CADM2: variants seen among roughly 807,000 people sequenced by gnomAD.
CADM2 encodes cell adhesion molecule 2.
Under a neutral mutation model 49.8 loss-of-function variants are expected in CADM2, and 12 were observed. That is an observed-to-expected ratio of 0.24 (90% CI 0.15 to 0.39). CADM2 has a LOEUF of 0.39. Among genes scored for constraint, CADM2 ranks in the 10% least tolerant of loss-of-function variants. The probability of loss-of-function intolerance (pLI) is 1.00; values close to 1 mark genes in which losing one functional copy is unlikely to be tolerated. For synonymous variants in CADM2, 214 were observed against 175.4 expected, an observed-to-expected ratio of 1.22 and a Z score of -1.74; for missense variants, 378 against 492.3, an observed-to-expected ratio of 0.77 and a Z score of 2.20.
At chr3:85,678,995 G>A (rs1045942426) in intron 1 of CADM2, among the ~76,000 whole-genome samples, 4 of 152,102 alleles carry the variant, frequency 2.6e-5, no homozygotes, top group African/African-American at 7.2e-5. Flanking sequence ...GGCTGAGGTT[G>A]AGAAACCACA....
rs746578518 is a variant in CADM2 at position 85,764,683 on chromosome 3, C to A, written c.89-37364C>A. On this transcript the variant is annotated intron_variant, in intron 2 of 9. Coordinates refer to ENST00000383699, the MANE Select transcript of CADM2 (RefSeq NM_001167675.2). ...TGCATCAGCATATCAAGAGTGGGGT[C>A]ATTTCAAGAAAGGACTGTGGAAATA... Among the ~76,000 whole-genome samples the A allele has an allele frequency of 2.0e-5, 3 of 152,122 alleles. No individual in the cohort carries two copies. The South Asian group carries it at 6.2e-4, about 32-fold the overall frequency.
intron 1 of CADM2, among the ~76,000 whole-genome samples, chr3:85,636,241 G>A (rs755264271): frequency 7.9e-5 from 12 of 152,180 alleles, no homozygotes; most frequent in Non-Finnish European, 1.2e-4. Flanking sequence ...ACAAGACGCA[G>A]AGGTGACAGA....
Position 85,454,882 on chromosome 3 carries a change from A to G in CADM2, c.62-271640A>G, listed in dbSNP as rs192188902. 4.6e-5 allele frequency among the ~76,000 whole-genome samples: 7 copies of G among 152,338 alleles called. No homozygotes were observed. The East Asian group carries it at 1.3e-3, about 29-fold the overall frequency. On this transcript the variant is annotated intron_variant, in intron 1 of 9. Transcript: ENST00000383699. ...CAAATTCTGATATGTTCTGTAAATGACAATTTCATGCTGTAGTTGAAATTC... is the reference window on the plus strand; with the variant it reads ...CAAATTCTGATATGTTCTGTAAATGGCAATTTCATGCTGTAGTTGAAATTC...
chr3:86,045,871 A>C lies in CADM2; in HGVS notation c.971-19734A>C, dbSNP rs189294095. Among the ~76,000 whole-genome samples the C allele has an allele frequency of 1.6e-3, 240 of 152,246 alleles. No homozygotes were observed. In the Middle Eastern group the frequency reaches 0.027, roughly 17 times the overall value. ...AATACCATTCTCATCCTCATTTTAC[A>C]CTTAAGAAGTCTCAGGGACAGCAGA... is the stretch of plus-strand genomic sequence containing the variant. On this transcript the variant is annotated intron_variant, in intron 8 of 9. Coordinates refer to ENST00000383699, the MANE Select transcript of CADM2 (RefSeq NM_001167675.2).
intron 1 of CADM2, among the ~76,000 whole-genome samples, chr3:85,573,436 C>A (rs2062542067): frequency 6.6e-6 from 1 of 152,106 alleles, no homozygotes; most frequent in African/African-American, 2.4e-5. Context: ...AGGTGACCCA[C>A]CGCCTTGACC....
intron 1 of CADM2, among the ~76,000 whole-genome samples, chr3:85,275,725 AT>A (rs2043342027): frequency 6.6e-6 from 1 of 151,134 alleles, no homozygotes; most frequent in South Asian, 2.1e-4. Context: ...TGATGAGGTA[AT>A]GATTATAATA....
At chr3:85,719,185 T>G (rs2067410652) in intron 1 of CADM2, among the ~76,000 whole-genome samples, 1 of 152,166 alleles carries the variant, frequency 6.6e-6, no homozygotes, top group African/African-American at 2.4e-5. Flanking sequence ...TCATTGTGCT[T>G]GTTTGTGTTG....
chr3:85,256,822 A>G (rs958393979), intron 1 of CADM2, among the ~76,000 whole-genome samples: 1 of 152,114 alleles, frequency 6.6e-6, no homozygotes, highest in Non-Finnish European at 1.5e-5. Flanking sequence ...ATGTACAAAC[A>G]GTTATATTTA....
intron 7 of CADM2, among the ~76,000 whole-genome samples, chr3:85,941,154 A>G (rs1031228488): frequency 1.3e-5 from 2 of 152,142 alleles, no homozygotes; most frequent in Non-Finnish European, 2.9e-5. Context: ...GTCGGCCTCC[A>G]AGTAATTGTA....
At chr3:85,442,283 G>T (rs955369783) in intron 1 of CADM2, among the ~76,000 whole-genome samples, 5 of 151,638 alleles carry the variant, frequency 3.3e-5, no homozygotes, top group African/African-American at 1.2e-4. Flanking sequence ...AGTTGTTCTT[G>T]TTCTTACATA....
chr3:85,943,789 G>C (rs900647536), intron 7 of CADM2, among the ~76,000 whole-genome samples: 4 of 151,816 alleles, frequency 2.6e-5, no homozygotes, highest in African/African-American at 9.7e-5. Context: ...AGAAAAACAA[G>C]CAATGGGGAA....
chr3:85,908,010 A>G (rs1559734948), intron 5 of CADM2, among the ~76,000 whole-genome samples: 1 of 152,092 alleles, frequency 6.6e-6, no homozygotes, highest in Non-Finnish European at 1.5e-5. Context: ...AGTTGAGATT[A>G]TACTGCTCAA....
At chr3:85,909,283 G>A (rs1300820056) in intron 5 of CADM2, among the ~76,000 whole-genome samples, 2 of 151,956 alleles carry the variant, frequency 1.3e-5, no homozygotes, top group African/African-American at 4.8e-5. Context: ...TGTGGATTAT[G>A]AAAGAAAGAA....
At chr3:85,190,545 T>A (rs1483314503) in intron 1 of CADM2, among the ~76,000 whole-genome samples, 2 of 152,150 alleles carry the variant, frequency 1.3e-5, no homozygotes, top group Non-Finnish European at 2.9e-5. Flanking sequence ...AATTATTCAG[T>A]AAAATTTGCC....
chr3:85,473,857 T>A (rs1021050368), intron 1 of CADM2, among the ~76,000 whole-genome samples: 1 of 152,068 alleles, frequency 6.6e-6, no homozygotes, highest in Non-Finnish European at 1.5e-5. Context: ...TTTTTGTGAC[T>A]GTAGTCACAA....
intron 1 of CADM2, among the ~76,000 whole-genome samples, chr3:85,508,343 G>A (rs2040449687): frequency 6.6e-6 from 1 of 152,086 alleles, no homozygotes; most frequent in South Asian, 2.1e-4. Flanking sequence ...ACAGTTTCCT[G>A]GTCTCTGTCT....
At chr3:85,174,778 A>G (rs1234064876) in intron 1 of CADM2, among the ~76,000 whole-genome samples, 1 of 152,122 alleles carries the variant, frequency 6.6e-6, no homozygotes, top group Admixed American at 6.5e-5. Context: ...AGGAAAGGGG[A>G]AGATAGAAGA....
chr3:85,616,135 T>A (rs940451522), intron 1 of CADM2, among the ~76,000 whole-genome samples: 2 of 151,716 alleles, frequency 1.3e-5, no homozygotes, highest in African/African-American at 2.4e-5. Context: ...ATCCTCATTT[T>A]AAAAAAATGA....
At chr3:85,369,600 C>G (rs1330731599) in intron 1 of CADM2, among the ~76,000 whole-genome samples, 1 of 152,114 alleles carries the variant, frequency 6.6e-6, no homozygotes, top group Non-Finnish European at 1.5e-5. Context: ...AGAACCCATC[C>G]CTCCTGTATA....
Sources: allele counts gnomAD v4.1 joint callset (sites outside exome capture counted in the v4.1 genomes callset), GRCh38; gene constraint gnomAD v4.1.1; transcripts MANE v1.5; gene names NCBI Gene and HGNC (gene_info 2026-07-23, HGNC 2026-07-21).